HS3ST1: variants seen among roughly 807,000 people sequenced by gnomAD.
HS3ST1 encodes the protein heparan sulfate glucosamine 3-O-sulfotransferase 1.
A neutral mutation model predicts 20.7 loss-of-function variants in HS3ST1; 8 were observed. That is an observed-to-expected ratio of 0.39 (90% confidence interval 0.23 to 0.70). HS3ST1 has a LOEUF of 0.70. Ranked by LOEUF, HS3ST1 falls within the 30% of genes least tolerant of loss-of-function variation. The probability of loss-of-function intolerance (pLI) is 0.46; values close to 1 mark genes in which losing one functional copy is unlikely to be tolerated. For synonymous variants in HS3ST1, 205 were observed against 190.4 expected, an observed-to-expected ratio of 1.08 and a Z score of -0.63; for missense variants, 436 against 423.4, an observed-to-expected ratio of 1.03 and a Z score of -0.26.
At position 11,394,504 on chromosome 4, in the gene HS3ST1, C is replaced by G. The variant is rs1211851561; in HGVS notation, c.*4578G>C. 1 of 152,192 alleles carries G rather than the reference C, an allele frequency of 6.6e-6. No individual in the cohort carries two copies. The highest frequency in any genetic ancestry group is 1.5e-5 in the Non-Finnish European group (1 of 68,052). The allele number at this position is 152,192 out of a possible 1,614,324, so 9.4% of individuals were successfully genotyped here. A position where few individuals can be genotyped will look rare whatever the true frequency, so the allele number is the denominator to read the frequency against. ...CTCTGGCCTTTAACTCAGGCTCAGT[C>G]TTCCGAAATGAGCTGCTGCCGGTTA... On this transcript the variant is annotated 3_prime_UTR_variant, in exon 2 of 2. Transcript: ENST00000002596.
chr4:11,433,148 A>G (rs1378888296), upstream of HS3ST1, among the ~76,000 whole-genome samples: 1 of 152,170 alleles, frequency 6.6e-6, no homozygotes, highest in Admixed American at 6.5e-5. Context: ...CTTTATTTAA[A>G]TATCTTCTTT....
At chr4:11,410,517 G>A (rs1718592514) in intron 1 of HS3ST1, among the ~76,000 whole-genome samples, 1 of 152,236 alleles carries the variant, frequency 6.6e-6, no homozygotes, top group Non-Finnish European at 1.5e-5. Context: ...GGGGAGCACA[G>A]GCCATGGCAG....
At chr4:11,418,228 G>A (rs1718838101) in intron 1 of HS3ST1, among the ~76,000 whole-genome samples, 2 of 152,198 alleles carry the variant, frequency 1.3e-5, no homozygotes, top group South Asian at 4.1e-4. Flanking sequence ...AGGTGGACTG[G>A]AAGGCAATAA....
At chr4:11,415,466 A>G (rs1034163252) in intron 1 of HS3ST1, among the ~76,000 whole-genome samples, 4 of 152,250 alleles carry the variant, frequency 2.6e-5, no homozygotes, top group African/African-American at 9.6e-5. Context: ...CACTCAATCA[A>G]TAATAGCTCA....
At chr4:11,412,328 A>G (rs759897180) in intron 1 of HS3ST1, among the ~76,000 whole-genome samples, 5 of 152,196 alleles carry the variant, frequency 3.3e-5, no homozygotes, top group Non-Finnish European at 7.4e-5. Context: ...AAATTCTAAG[A>G]TAGTATAAGA....
At chr4:11,405,015 A>C (rs1718427311) in intron 1 of HS3ST1, among the ~76,000 whole-genome samples, 1 of 152,250 alleles carries the variant, frequency 6.6e-6, no homozygotes, top group Non-Finnish European at 1.5e-5. Flanking sequence ...CTTCACTGTC[A>C]CTTTCACTTT....
intron 1 of HS3ST1, among the ~76,000 whole-genome samples, chr4:11,409,606 G>C (rs1170349508): frequency 6.6e-6 from 1 of 152,212 alleles, no homozygotes; most frequent in Non-Finnish European, 1.5e-5. Context: ...CTGACACCTT[G>C]ATCTTGAACT....
At chr4:11,428,169 C>G (rs1233720239) in intron 1 of HS3ST1, among the ~76,000 whole-genome samples, 2 of 100,264 alleles carry the variant, frequency 2.0e-5, no homozygotes, top group African/African-American at 5.0e-5. Context: ...TCACCTCAAT[C>G]TCTCTCTTTG....
At chr4:11,411,620 C>A (rs886839081) in intron 1 of HS3ST1, among the ~76,000 whole-genome samples, 9 of 152,184 alleles carry the variant, frequency 5.9e-5, no homozygotes, top group Non-Finnish European at 1.3e-4. Flanking sequence ...CCTCTGTAAT[C>A]TCTTGTTATC....
chr4:11,425,193 C>G (rs1249287713), intron 1 of HS3ST1, among the ~76,000 whole-genome samples: 1 of 152,176 alleles, frequency 6.6e-6, no homozygotes, highest in Non-Finnish European at 1.5e-5. Context: ...CAGGCAGGCA[C>G]TGAGTTAGGT....
chr4:11,415,006 G>C (rs189050325), intron 1 of HS3ST1, among the ~76,000 whole-genome samples: 143 of 152,208 alleles, frequency 9.4e-4, no homozygotes, highest in African/African-American at 3.0e-3. Context: ...AGATGGATTT[G>C]GAAACAAACA....
chr4:11,424,080 C>T (rs2108891078), intron 1 of HS3ST1, among the ~76,000 whole-genome samples: 1 of 150,608 alleles, frequency 6.6e-6, no homozygotes, highest in East Asian at 2.0e-4. Flanking sequence ...CTGGCAAGAC[C>T]AGACCTGAAG....
intron 1 of HS3ST1, among the ~76,000 whole-genome samples, chr4:11,427,098 C>CT (rs967208615): frequency 9.2e-5 from 14 of 151,510 alleles, no homozygotes; most frequent in South Asian, 4.2e-4. Context: ...TTTCTCCCTC[C>CT]TTTTTTTTTC....
Position 11,397,863 on chromosome 4 carries a change from A to G in HS3ST1, c.*1219T>C, listed in dbSNP as rs1054006137. ...AATGTTTTATTTTTATTAAAATCCAATGGGTTTAATTCTGTAAAAGGCTGA... is the reference window on the plus strand; with the variant it reads ...AATGTTTTATTTTTATTAAAATCCAGTGGGTTTAATTCTGTAAAAGGCTGA... On this transcript the variant is annotated 3_prime_UTR_variant, in exon 2 of 2. Coordinates refer to ENST00000002596, the MANE Select transcript of HS3ST1 (RefSeq NM_005114.4). 3.3e-5 allele frequency: 5 copies of G among 152,166 alleles called. No individual in the cohort carries two copies. Among genetic ancestry groups the G allele is most frequent in the Admixed American group, 6.5e-5 (1 of 15,280 alleles). The allele number at this position is 152,166 out of a possible 1,614,324, so 9.4% of individuals were successfully genotyped here.
At chr4:11,402,594 T>TGC (rs1342657405) in intron 1 of HS3ST1, among the ~76,000 whole-genome samples, 1 of 152,198 alleles carries the variant, frequency 6.6e-6, no homozygotes, top group Non-Finnish European at 1.5e-5. Flanking sequence ...TGTGTGTGTG[T>TGC]GCAGGTATAA....
In HS3ST1 at chr4:11,398,901, A is replaced by G; in HGVS notation, c.*181T>C. 1 of 548,740 alleles carries G rather than the reference A, an allele frequency of 1.8e-6. No individual in the cohort carries two copies. Among genetic ancestry groups the G allele is most frequent in the Non-Finnish European group, 3.1e-6 (1 of 320,978 alleles). The allele number at this position is 548,740 out of a possible 1,614,324, so 34.0% of individuals were successfully genotyped here. On this transcript the variant is annotated 3_prime_UTR_variant, in exon 2 of 2. Coordinates refer to ENST00000002596, the MANE Select transcript of HS3ST1 (RefSeq NM_005114.4). ...TGAAAAACAATACAAAATGCCCTCC[A>G]TTTAACAAGTAGAAAAATATAACTA...
At chr4:11,428,300 G>T (rs1333965255) in intron 1 of HS3ST1, among the ~76,000 whole-genome samples, 4 of 152,198 alleles carry the variant, frequency 2.6e-5, no homozygotes, top group Non-Finnish European at 5.9e-5. Context: ...TCTGGCCCCA[G>T]GTGGTACCCA....
intron 1 of HS3ST1, among the ~76,000 whole-genome samples, chr4:11,428,044 G>A (rs1441044106): frequency 2.0e-5 from 3 of 152,174 alleles, no homozygotes; most frequent in Non-Finnish European, 2.9e-5. Context: ...CACTACCCAA[G>A]GGCCCGGAAA....
In HS3ST1 at chr4:11,405,880, A is replaced by G. The variant is rs531266965; in HGVS notation, c.-108-5767T>C. The stretch of plus-strand genomic sequence containing the variant: ...GATTTCAAATGTAATTAACTGTAAT[A>G]TATTCTCTCAGTCCCACTACTGGAA... On this transcript the variant is annotated intron_variant, in intron 1 of 1. Transcript: ENST00000002596. 3.0e-4 allele frequency among the ~76,000 whole-genome samples: 45 copies of G among 152,372 alleles called. No individual in the cohort carries two copies. In the South Asian group the frequency reaches 9.3e-3, roughly 32 times the overall value.
Sources: gnomAD v4.1 joint callset for allele counts (sites outside exome capture counted in the v4.1 genomes callset) on GRCh38, gnomAD v4.1.1 for gene constraint, MANE v1.5 for transcripts, NCBI Gene and HGNC (gene_info 2026-07-23, HGNC 2026-07-21) for gene names.